The following CTNNA3 variants were observed in gnomAD, a reference collection of about 807,000 sequenced individuals.
CTNNA3 encodes the protein catenin alpha-3.
In CTNNA3, 76 loss-of-function variants were observed where a neutral mutation model predicts 95.7. That is an observed-to-expected ratio of 0.79 (90% confidence interval 0.66 to 0.96). CTNNA3 has a LOEUF of 0.96. Among genes scored for constraint, CTNNA3 ranks in the 40% least tolerant of loss-of-function variants. The pLI, the probability that CTNNA3 is intolerant of heterozygous loss-of-function variation, is 0.00. For synonymous variants in CTNNA3, 431 were observed against 374.4 expected, an observed-to-expected ratio of 1.15 and a Z score of -1.74; for missense variants, 1,191 against 1,089.8, an observed-to-expected ratio of 1.09 and a Z score of -1.31.
chr10:65,924,198 T>C (rs2077131097), intron 17 of CTNNA3, among the ~76,000 whole-genome samples: 1 of 152,174 alleles, frequency 6.6e-6, no homozygotes, highest in Admixed American at 6.5e-5. Flanking sequence ...CTTTCCCATG[T>C]AGAGCCAGCA....
At chr10:67,205,745 A>G (rs1025193084) in intron 6 of CTNNA3, among the ~76,000 whole-genome samples, 8 of 152,196 alleles carry the variant, frequency 5.3e-5, no homozygotes, top group African/African-American at 1.9e-4. Flanking sequence ...CTTGTTTCTG[A>G]GGAAAAGGTA....
chr10:66,430,413 A>G (rs138838174), intron 11 of CTNNA3, among the ~76,000 whole-genome samples: 40,207 of 152,070 alleles, frequency 0.26, 5,473 homozygotes, highest in South Asian at 0.39. Context: ...TTTAAAGTTC[A>G]TATGGAACCA....
At chr10:67,166,975 C>T (rs1861795735) in intron 7 of CTNNA3, among the ~76,000 whole-genome samples, 2 of 152,038 alleles carry the variant, frequency 1.3e-5, no homozygotes. Flanking sequence ...GGTGTGGTGG[C>T]ACATGCCTGT....
intron 12 of CTNNA3, among the ~76,000 whole-genome samples, chr10:66,310,105 G>A (rs994314254): frequency 1.3e-5 from 2 of 150,708 alleles, no homozygotes; most frequent in Non-Finnish European, 3.0e-5. Flanking sequence ...GCGACAGGGT[G>A]AGACTCCATC....
intron 5 of CTNNA3, among the ~76,000 whole-genome samples, chr10:67,381,590 A>G (rs1423249268): frequency 2.0e-5 from 3 of 152,026 alleles, no homozygotes; most frequent in Non-Finnish European, 4.4e-5. Context: ...CCCTCTCCTC[A>G]TACCACCACC....
rs575877598 is a variant in CTNNA3 at position 67,176,262 on chromosome 10, A to C, written c.1047+4055T>G. On this transcript the variant is annotated intron_variant, in intron 7 of 17. Transcript: ENST00000433211. ...TAAGACCTTTTATAACAGGCAGTCC[A>C]TTGTATAAATGTAGTAGATGCTTGA... Among the ~76,000 whole-genome samples, 30 of 152,346 alleles carry C rather than the reference A, an allele frequency of 2.0e-4. No homozygotes were observed. The South Asian group carries it at 6.2e-3, about 32-fold the overall frequency.
At chr10:66,718,347 G>A (rs537749183) in intron 9 of CTNNA3, among the ~76,000 whole-genome samples, 14 of 151,964 alleles carry the variant, frequency 9.2e-5, no homozygotes, top group South Asian at 2.1e-4. Context: ...CACTGCTTGC[G>A]TCCTCTTCCC....
Position 66,760,680 on chromosome 10 carries a change from C to T in CTNNA3, c.1281+5584G>A, listed in dbSNP as rs376967416. Among the ~76,000 whole-genome samples, 40 of 152,152 alleles carry T rather than the reference C, an allele frequency of 2.6e-4. 2 individuals are homozygous for T. The highest frequency in any genetic ancestry group is 7.2e-4 in the African/African-American group (30 of 41,520). On this transcript the variant is annotated intron_variant, in intron 9 of 17. Coordinates refer to ENST00000433211, the MANE Select transcript of CTNNA3 (RefSeq NM_013266.4). Reference sequence around the variant, plus strand: ...TACCCTTTTCTTATATTCCAAAGACCGTAAGTAGAAAATTTATAAAGAAAT... The same window carrying T: ...TACCCTTTTCTTATATTCCAAAGACTGTAAGTAGAAAATTTATAAAGAAAT...
At chr10:66,603,341 T>C (rs1844001019) in intron 10 of CTNNA3, among the ~76,000 whole-genome samples, 1 of 151,994 alleles carries the variant, frequency 6.6e-6, no homozygotes, top group African/African-American at 2.4e-5. Context: ...ACATTTACAA[T>C]AGCTAAAAAT....
At chr10:66,562,495 T>C (rs1842583563) in intron 10 of CTNNA3, among the ~76,000 whole-genome samples, 1 of 151,986 alleles carries the variant, frequency 6.6e-6, no homozygotes. Context: ...CCTTTACTCT[T>C]TGAGAGCCTA....
chr10:67,395,434 C>T (rs1239312135), intron 5 of CTNNA3, among the ~76,000 whole-genome samples: 1 of 152,164 alleles, frequency 6.6e-6, no homozygotes, highest in Non-Finnish European at 1.5e-5. Flanking sequence ...ACACCTCCCA[C>T]CAAGCAAGAA....
intron 12 of CTNNA3, among the ~76,000 whole-genome samples, chr10:66,330,297 C>A (rs1403279817): frequency 6.7e-6 from 1 of 149,078 alleles, no homozygotes; most frequent in South Asian, 2.2e-4. Context: ...TCAATTCCTA[C>A]CTATGAGTGA....
intron 13 of CTNNA3, among the ~76,000 whole-genome samples, chr10:66,123,504 C>T (rs1589468776): frequency 6.6e-6 from 1 of 152,088 alleles, no homozygotes; most frequent in African/African-American, 2.4e-5. Context: ...ATCTACCATT[C>T]TGGGGTCTGG....
At chr10:66,293,657 T>C (rs1381261914) in intron 12 of CTNNA3, among the ~76,000 whole-genome samples, 5 of 145,348 alleles carry the variant, frequency 3.4e-5, no homozygotes, top group Non-Finnish European at 7.4e-5. Flanking sequence ...TTATTTTTTC[T>C]TTTTTCTTTC....
At chr10:66,268,168 T>C (rs1020549376) in intron 13 of CTNNA3, among the ~76,000 whole-genome samples, 4 of 152,144 alleles carry the variant, frequency 2.6e-5, no homozygotes, top group South Asian at 2.1e-4. Context: ...TTGTATTTTC[T>C]AAAGATGGAT....
chr10:66,471,849 C>T (rs1320782115), intron 11 of CTNNA3, among the ~76,000 whole-genome samples: 1 of 152,012 alleles, frequency 6.6e-6, no homozygotes, highest in Non-Finnish European at 1.5e-5. Context: ...TTGCTTTCTA[C>T]CTAACTCAAA....
At chr10:66,799,901 A>G (rs1377485368) in intron 7 of CTNNA3, among the ~76,000 whole-genome samples, 4 of 151,290 alleles carry the variant, frequency 2.6e-5, no homozygotes, top group Non-Finnish European at 5.9e-5. Flanking sequence ...AAATAATAAC[A>G]TAAATGTTGA....
rs191586353 is a variant in CTNNA3 at position 67,687,055 on chromosome 10, G to A, written c.-6+8945C>T. 2.2e-3 allele frequency among the ~76,000 whole-genome samples: 330 copies of A among 152,322 alleles called. 2 individuals are homozygous for A. Among genetic ancestry groups the A allele is most frequent in the African/African-American group, 7.5e-3 (310 of 41,572 alleles). On this transcript the variant is annotated intron_variant, in intron 1 of 17. Transcript: ENST00000433211. ...AAAGTCTCCCAGTTACAACTGAGGA[G>A]GTGGGAGAAATACCTGGTTACAGGC... is the stretch of plus-strand genomic sequence containing the variant.
At position 66,570,925 on chromosome 10, in the gene CTNNA3, C is replaced by G. The variant is rs572141896; in HGVS notation, c.1375-50152G>C. On this transcript the variant is annotated intron_variant, in intron 10 of 17. Coordinates refer to ENST00000433211, the MANE Select transcript of CTNNA3 (RefSeq NM_013266.4). ...AAAACAGTTTTGAGCAAGGAGCTCT[C>G]AAAAAAATGTCCTGATGTTCTCCTA... Among the ~76,000 whole-genome samples the G allele has an allele frequency of 1.1e-3, 162 of 152,080 alleles. 1 individual carries two copies. Among genetic ancestry groups the G allele is most frequent in the African/African-American group, 3.3e-3 (136 of 41,510 alleles).
Sources: gnomAD v4.1 joint callset for allele counts (sites outside exome capture counted in the v4.1 genomes callset) on GRCh38, gnomAD v4.1.1 for gene constraint, MANE v1.5 for transcripts, NCBI Gene and HGNC (gene_info 2026-07-23, HGNC 2026-07-21) for gene names.